Variants in MYO9A observed in about 807,000 individuals in gnomAD.
The protein encoded by MYO9A is unconventional myosin-IXa.
A neutral mutation model predicts 293.3 loss-of-function variants in MYO9A; 103 were observed. The observed-to-expected ratio is 0.35, with a 90% CI of 0.30 to 0.41. MYO9A has a LOEUF of 0.41. MYO9A is among the 10% of genes least tolerant of loss of function. The probability of loss-of-function intolerance (pLI) is 1.00; values close to 1 mark genes in which losing one functional copy is unlikely to be tolerated. For missense variants in MYO9A, 2,685 were observed against 3,033.0 expected (o/e 0.89, Z 2.69); for synonymous variants, 1,001 against 1,035.7 (o/e 0.97, Z 0.64).
rs1447405661 is a variant in MYO9A at position 71,825,269 on chromosome 15, C to T, written c.*1311G>A. 1 of 152,206 alleles carries T rather than the reference C, an allele frequency of 6.6e-6. No individual in the cohort carries two copies. Among genetic ancestry groups the T allele is most frequent in the Non-Finnish European group, 1.5e-5 (1 of 68,034 alleles). The allele number at this position is 152,206 out of a possible 1,614,324, so 9.4% of individuals were successfully genotyped here. On this transcript the variant is annotated 3_prime_UTR_variant, in exon 42 of 42. Transcript: ENST00000356056. ...TCCCTCAACCCAGGGACGAATGGCT[C>T]TCATCCCCCTGTCCAGTGGCCCCTC...
chr15:71,893,957 G>C (rs185287556), intron 25 of MYO9A, among the ~76,000 whole-genome samples, 179 bp from the exon 26 acceptor site: 2 of 152,232 alleles, frequency 1.3e-5, no homozygotes, highest in Admixed American at 6.5e-5. Flanking sequence ...CTACGCATAA[G>C]ACTGAATTAC....
chr15:71,972,650 G>A (rs561299582), intron 12 of MYO9A, among the ~76,000 whole-genome samples: 3 of 152,188 alleles, frequency 2.0e-5, no homozygotes, highest in Non-Finnish European at 4.4e-5. Flanking sequence ...GTTATGGTGT[G>A]AGAGCAGAGG....
At chr15:71,849,148 G>C (rs1436370959) in intron 38 of MYO9A, among the ~76,000 whole-genome samples, 180 bp from the exon 39 acceptor site, 1 of 152,160 alleles carries the variant, frequency 6.6e-6, no homozygotes, top group Non-Finnish European at 1.5e-5. Flanking sequence ...CACTTTAGAA[G>C]CCATCTAAAG....
At chr15:71,959,831 G>C in intron 14 of MYO9A, 70 bp downstream of exon 14, 1 of 1,326,556 alleles carries the variant, frequency 7.5e-7, no homozygotes, top group African/African-American at 1.6e-5. Context: ...ACTCCTTTTT[G>C]TGGAGAAGTA....
chr15:71,849,279 G>C (rs1261561827), intron 38 of MYO9A, among the ~76,000 whole-genome samples: 1 of 151,982 alleles, frequency 6.6e-6, no homozygotes, highest in Non-Finnish European at 1.5e-5. Flanking sequence ...GTGAAACCCT[G>C]TCTCTACTAA....
chr15:72,016,019 T>A (rs2077328384), intron 6 of MYO9A, among the ~76,000 whole-genome samples: 1 of 152,082 alleles, frequency 6.6e-6, no homozygotes, highest in African/African-American at 2.4e-5. Context: ...ATGGCAGACA[T>A]CAGCCAACAT....
At chr15:71,996,601 G>GAATATAGAGAAGAAGAAAC (rs1222155954) in intron 9 of MYO9A, among the ~76,000 whole-genome samples, 2 of 152,136 alleles carry the variant, frequency 1.3e-5, no homozygotes, top group African/African-American at 2.4e-5. Flanking sequence ...GTGTAAACCA[G>GAATATAGAGAAGAAGAAAC]AAATGCAGGA....
Position 72,020,567 on chromosome 15 carries a change from T to TAATC in MYO9A, c.1098+347_1098+350dup, listed in dbSNP as rs1409647834. ...GTAATCCCTTGCAAAGGACAAGAAT[T>TAATC]AATCATTAGTAACATTTAATATCCT... On this transcript the variant is annotated intron_variant, in intron 5 of 41. Coordinates refer to ENST00000356056, the MANE Select transcript of MYO9A (RefSeq NM_006901.4). Among the ~76,000 whole-genome samples, 3 of 152,296 alleles carry TAATC rather than the reference T, an allele frequency of 2.0e-5. No individual in the cohort carries two copies. The East Asian group carries it at 5.8e-4, about 29-fold the overall frequency.
chr15:71,913,160 G>A (rs185547095), intron 19 of MYO9A, among the ~76,000 whole-genome samples: 48 of 151,714 alleles, frequency 3.2e-4, no homozygotes, highest in South Asian at 1.5e-3. Flanking sequence ...TGCTATTTTC[G>A]TTTTTTTACA....
At chr15:71,837,845 A>C (rs948569658) in intron 39 of MYO9A, among the ~76,000 whole-genome samples, 2 of 152,156 alleles carry the variant, frequency 1.3e-5, no homozygotes, top group Non-Finnish European at 2.9e-5. Context: ...GGTTTTAAAA[A>C]TGAGTAATAC....
chr15:72,098,679 C>G (rs530619895), intron 1 of MYO9A, among the ~76,000 whole-genome samples: 1 of 151,966 alleles, frequency 6.6e-6, no homozygotes, highest in Non-Finnish European at 1.5e-5. Context: ...AAGGAAATAA[C>G]AGAAGTGATC....
At chr15:72,018,789 T>G (rs2077414807) in intron 6 of MYO9A, among the ~76,000 whole-genome samples, 1 of 152,180 alleles carries the variant, frequency 6.6e-6, no homozygotes, top group African/African-American at 2.4e-5. Context: ...TTTGTCGAAA[T>G]AAATATTGAA....
At chr15:71,910,809 T>C (rs755199687) in intron 19 of MYO9A, among the ~76,000 whole-genome samples, 6 of 152,228 alleles carry the variant, frequency 3.9e-5, no homozygotes, top group Non-Finnish European at 8.8e-5. Context: ...ATTTGTCTAT[T>C]AGGTTTTCTT....
chr15:72,056,894 G>C (rs1180839444), intron 1 of MYO9A, among the ~76,000 whole-genome samples: 2 of 152,122 alleles, frequency 1.3e-5, no homozygotes, highest in Non-Finnish European at 2.9e-5. Flanking sequence ...CGGATCACCT[G>C]AGGTCAGAAG....
At chr15:72,110,435 CAAAA>C (rs397854173) in intron 1 of MYO9A, among the ~76,000 whole-genome samples, 3 of 45,104 alleles carry the variant, frequency 6.7e-5, no homozygotes, top group Non-Finnish European at 9.5e-5. Context: ...GACTCCATCT[CAAAA>C]AAAAAAAAAA....
intron 39 of MYO9A, among the ~76,000 whole-genome samples, chr15:71,844,700 G>T (rs774697386): frequency 6.6e-6 from 1 of 152,150 alleles, no homozygotes; most frequent in Non-Finnish European, 1.5e-5. Context: ...TCACGATAGC[G>T]AAAGAATGCA....
At chr15:72,098,175 C>G (rs1596564022) in intron 1 of MYO9A, among the ~76,000 whole-genome samples, 1 of 151,796 alleles carries the variant, frequency 6.6e-6, no homozygotes, top group Non-Finnish European at 1.5e-5. Flanking sequence ...CTCTGGATCA[C>G]CAGAATGCAG....
At chr15:71,960,411 A>G (rs1294745683) in intron 13 of MYO9A, 6 of 269,276 alleles carry the variant, frequency 2.2e-5, no homozygotes, top group Admixed American at 9.6e-5. Flanking sequence ...ATGTGCTTCC[A>G]CTTTGCCTTC....
intron 4 of MYO9A, among the ~76,000 whole-genome samples, chr15:72,022,470 G>A (rs918987518): frequency 6.6e-5 from 10 of 151,482 alleles, no homozygotes; most frequent in African/African-American, 9.7e-5. Context: ...GCAGTGAGCC[G>A]AGATCACGCT....
Sources: allele counts gnomAD v4.1 joint callset (sites outside exome capture counted in the v4.1 genomes callset), GRCh38; gene constraint gnomAD v4.1.1; transcripts MANE v1.5; gene names NCBI Gene and HGNC (gene_info 2026-07-23, HGNC 2026-07-21).